The following PACRG variants were observed in gnomAD, a reference collection of about 807,000 sequenced individuals.
The protein encoded by PACRG is parkin coregulated gene protein.
In PACRG, 29 loss-of-function variants were observed where a neutral mutation model predicts 29.7. That is an observed-to-expected ratio of 0.98 (90% confidence interval 0.73 to 1.33). PACRG has a LOEUF of 1.33. Among genes scored for constraint, PACRG ranks in the 40% most tolerant of loss-of-function variants. The probability of loss-of-function intolerance (pLI) is 0.00; values close to 1 mark genes in which losing one functional copy is unlikely to be tolerated. For synonymous variants in PACRG, 116 were observed against 118.7 expected (o/e 0.98, Z 0.15); for missense variants, 279 against 316.2 (o/e 0.88, Z 0.89).
At chr6:163,239,762 T>A (rs1782393666) in intron 4 of PACRG, among the ~76,000 whole-genome samples, 2 of 109,628 alleles carry the variant, frequency 1.8e-5, no homozygotes, top group East Asian at 2.9e-4. Context: ...GCACACACAC[T>A]CACACCTCCA....
At chr6:163,233,619 G>A (rs1183357414) in intron 4 of PACRG, among the ~76,000 whole-genome samples, 4 of 152,218 alleles carry the variant, frequency 2.6e-5, no homozygotes, top group Admixed American at 6.5e-5. Flanking sequence ...AGAGGCCGTG[G>A]AGGGGGCAGG....
At chr6:163,046,496 G>A (rs1043740239) in intron 2 of PACRG, 5 of 151,778 alleles carry the variant, frequency 3.3e-5, no homozygotes, top group African/African-American at 1.2e-4. Context: ...GTATCATTTT[G>A]CAAATGATGA....
chr6:162,815,925 A>G (rs1787296513), intron 2 of PACRG, among the ~76,000 whole-genome samples: 1 of 152,122 alleles, frequency 6.6e-6, no homozygotes, highest in African/African-American at 2.4e-5. Flanking sequence ...GGTAATTATA[A>G]CCTACACATA....
chr6:163,109,433 G>C (rs1815586859), intron 4 of PACRG, among the ~76,000 whole-genome samples: 1 of 152,124 alleles, frequency 6.6e-6, no homozygotes, highest in African/African-American at 2.4e-5. Context: ...ATCTCGATTT[G>C]AAAAACCTCT....
chr6:162,875,228 C>G (rs1793214077), intron 2 of PACRG, among the ~76,000 whole-genome samples: 1 of 151,958 alleles, frequency 6.6e-6, no homozygotes, highest in Non-Finnish European at 1.5e-5. Flanking sequence ...CATGCACACA[C>G]AGACATGCAC....
Position 163,284,176 on chromosome 6 carries a change from C to T in PACRG, c.614-30651C>T, listed in dbSNP as rs567077605. On this transcript the variant is annotated intron_variant, in intron 4 of 4. Coordinates refer to ENST00000366888, the MANE Select transcript of PACRG (RefSeq NM_001080379.2). ...ATTTTGAATTTTTAATTATTGCAATCCAAAGAATTATACAATTATAAAACT... is the reference window on the plus strand; with the variant it reads ...ATTTTGAATTTTTAATTATTGCAATTCAAAGAATTATACAATTATAAAACT... Among the ~76,000 whole-genome samples the T allele has an allele frequency of 7.9e-5, 12 of 152,262 alleles. No individual in the cohort carries two copies. In the South Asian group the frequency reaches 2.5e-3, roughly 32 times the overall value.
intron 2 of PACRG, among the ~76,000 whole-genome samples, chr6:162,985,180 G>C (rs1802779612): frequency 6.6e-6 from 1 of 151,966 alleles, no homozygotes; most frequent in Admixed American, 6.6e-5. Flanking sequence ...ATAGAGAAGA[G>C]GGAATCCTCC....
At chr6:162,738,001 G>GA (rs1255915806) in intron 1 of PACRG, among the ~76,000 whole-genome samples, 11 of 151,784 alleles carry the variant, frequency 7.2e-5, no homozygotes, top group Non-Finnish European at 1.3e-4. Context: ...TATAGAAATA[G>GA]AAAAAGAGGC....
chr6:163,283,674 G>A (rs908927367), intron 4 of PACRG, among the ~76,000 whole-genome samples: 6 of 151,728 alleles, frequency 4.0e-5, no homozygotes, highest in South Asian at 2.1e-4. Context: ...GGTGGCGGGC[G>A]CCTGTAGTCC....
intron 4 of PACRG, among the ~76,000 whole-genome samples, chr6:163,215,159 T>C (rs1189630512): frequency 6.6e-6 from 1 of 152,166 alleles, no homozygotes; most frequent in Non-Finnish European, 1.5e-5. Flanking sequence ...CTTTGGTAAT[T>C]ATGTAAAGAT....
intron 1 of PACRG, among the ~76,000 whole-genome samples, chr6:162,758,633 G>A (rs1373222923): frequency 6.6e-6 from 1 of 152,156 alleles, no homozygotes; most frequent in Non-Finnish European, 1.5e-5. Flanking sequence ...ACCTGGCTTG[G>A]AAATCCCAGA....
At chr6:163,217,302 CG>C (rs1781400482) in intron 4 of PACRG, among the ~76,000 whole-genome samples, 2 of 152,234 alleles carry the variant, frequency 1.3e-5, no homozygotes, top group Admixed American at 1.3e-4. Flanking sequence ...TCACCCCCAA[CG>C]GGAGCCCAAT....
intron 4 of PACRG, among the ~76,000 whole-genome samples, chr6:163,136,715 T>G (rs1816950013): frequency 6.6e-6 from 1 of 152,222 alleles, no homozygotes; most frequent in Non-Finnish European, 1.5e-5. Flanking sequence ...ACACCTTGAT[T>G]TTTTGCCAAT....
At chr6:163,018,185 A>G (rs1036534520) in intron 2 of PACRG, among the ~76,000 whole-genome samples, 1 of 152,136 alleles carries the variant, frequency 6.6e-6, no homozygotes, top group Admixed American at 6.5e-5. Context: ...GCATAATGCG[A>G]TCAGCAAACA....
rs1781123478 is a variant in PACRG, at chr6:162,747,389, T to TAA, written c.156+18998_156+18999insAA. The stretch of plus-strand genomic sequence containing the variant: ...ACACATACATATATATGTATATATA[T>TAA]GTATATATATATGTATATATATATA... On this transcript the variant is annotated intron_variant, in intron 1 of 4. Coordinates refer to ENST00000366888, the MANE Select transcript of PACRG (RefSeq NM_001080379.2). 1.2e-4 allele frequency among the ~76,000 whole-genome samples: 7 copies of TAA among 57,270 alleles called. 1 individual carries two copies. The South Asian group carries it at 3.4e-3, about 28-fold the overall frequency. The allele number at this position is 57,270 out of a possible 152,430, so 37.6% of individuals were successfully genotyped here.
At chr6:162,794,654 T>C (rs1288634952) in intron 1 of PACRG, among the ~76,000 whole-genome samples, 4 of 152,202 alleles carry the variant, frequency 2.6e-5, no homozygotes, top group African/African-American at 7.2e-5. Context: ...TCTTTTTGCA[T>C]GAATATGCAG....
At chr6:163,118,415 GC>G (rs1816115818) in intron 4 of PACRG, among the ~76,000 whole-genome samples, 1 of 152,144 alleles carries the variant, frequency 6.6e-6, no homozygotes, top group South Asian at 2.1e-4. Context: ...GAGAAGTGAG[GC>G]CCCATTCTTT....
chr6:163,045,873 C>A (rs1335902091), intron 2 of PACRG, among the ~76,000 whole-genome samples: 2 of 152,112 alleles, frequency 1.3e-5, no homozygotes, highest in Non-Finnish European at 2.9e-5. Flanking sequence ...CTCAGCCTCC[C>A]AAACTGCTGG....
intron 2 of PACRG, 123 bp from the exon 3 acceptor site, chr6:163,062,026 AG>A (rs1811137202): frequency 4.4e-6 from 4 of 910,908 alleles, no homozygotes; most frequent in Non-Finnish European, 6.8e-6. Flanking sequence ...GGATGGGTTA[AG>A]GAAGTCTTCC....
Sources: gnomAD v4.1 joint callset for allele counts (sites outside exome capture counted in the v4.1 genomes callset) on GRCh38, gnomAD v4.1.1 for gene constraint, MANE v1.5 for transcripts, NCBI Gene and HGNC (gene_info 2026-07-23, HGNC 2026-07-21) for gene names.